Variants in SH3GL2 observed in about 807,000 individuals in gnomAD.
SH3GL2 encodes the protein endophilin-A1.
A neutral mutation model predicts 46.0 loss-of-function variants in SH3GL2; 24 were observed. That is an observed-to-expected ratio of 0.52 (90% CI 0.38 to 0.73). The LOEUF is 0.73. SH3GL2 is among the 30% of genes least tolerant of loss of function. The pLI is 0.00. For synonymous variants in SH3GL2, 196 were observed against 147.1 expected (o/e 1.33, Z -2.40); for missense variants, 413 against 424.2 (o/e 0.97, Z 0.23).
At chr9:17,736,478 C>T (rs1822338107) in intron 1 of SH3GL2, among the ~76,000 whole-genome samples, 1 of 152,096 alleles carries the variant, frequency 6.6e-6, no homozygotes, top group African/African-American at 2.4e-5. Context: ...GCAGTCTCTT[C>T]ATATCTCTTT....
intron 3 of SH3GL2, among the ~76,000 whole-genome samples, chr9:17,765,296 C>G (rs895881956): frequency 6.9e-6 from 1 of 145,714 alleles, no homozygotes; most frequent in Non-Finnish European, 1.5e-5. Flanking sequence ...TTTGATGCTT[C>G]GAGGGTACTT....
intron 1 of SH3GL2, among the ~76,000 whole-genome samples, chr9:17,746,837 G>A (rs60626906): frequency 6.6e-6 from 1 of 152,164 alleles, no homozygotes; most frequent in East Asian, 1.9e-4. Flanking sequence ...GAAATCAGAA[G>A]ATACAAATTT....
At chr9:17,606,181 C>T (rs185806959) in intron 1 of SH3GL2, among the ~76,000 whole-genome samples, 12 of 152,200 alleles carry the variant, frequency 7.9e-5, no homozygotes, top group South Asian at 2.1e-4. Context: ...CAACCTCTGC[C>T]GCCTGGGTTC....
chr9:17,742,700 AGTTT>A (rs1188780870), intron 1 of SH3GL2, among the ~76,000 whole-genome samples: 1 of 152,224 alleles, frequency 6.6e-6, no homozygotes, highest in Non-Finnish European at 1.5e-5. Context: ...TGAGATTTTT[AGTTT>A]GTTTGGAATA....
chr9:17,791,215 T>C lies in SH3GL2; in HGVS notation c.625-16T>C, dbSNP rs1243857413. On this transcript the variant is annotated splice_polypyrimidine_tract_variant and intron_variant, in intron 6 of 8. Coordinates refer to ENST00000380607, the MANE Select transcript of SH3GL2 (RefSeq NM_003026.5). ...AACGTGTAAAACTAAGGCATGATTT[T>C]CCCATCAATCTGCAGATTGAACAAG... The C allele has an allele frequency of 2.5e-6, 4 of 1,586,100 alleles. No homozygotes were observed. Among genetic ancestry groups the C allele is most frequent in the Non-Finnish European group, 3.5e-6 (4 of 1,154,682 alleles).
At chr9:17,705,050 CAA>C (rs151216971) in intron 1 of SH3GL2, among the ~76,000 whole-genome samples, 1 of 150,478 alleles carries the variant, frequency 6.6e-6, no homozygotes, top group Non-Finnish European at 1.5e-5. Context: ...AATTTACAAA[CAA>C]AAAAAAACCC....
At chr9:17,646,561 C>T (rs756082212) in intron 1 of SH3GL2, among the ~76,000 whole-genome samples, 3 of 152,014 alleles carry the variant, frequency 2.0e-5, no homozygotes, top group African/African-American at 4.8e-5. Context: ...GGAATTTTTG[C>T]GTGGTCATGC....
At chr9:17,718,684 C>T (rs987102564) in intron 1 of SH3GL2, among the ~76,000 whole-genome samples, 1 of 152,134 alleles carries the variant, frequency 6.6e-6, no homozygotes, top group Non-Finnish European at 1.5e-5. Flanking sequence ...TAGTTGTGAT[C>T]ATGCCACTGC....
chr9:17,581,310 A>C (rs955247890), intron 1 of SH3GL2, among the ~76,000 whole-genome samples: 4 of 152,204 alleles, frequency 2.6e-5, no homozygotes, highest in Admixed American at 6.5e-5. Context: ...GAAGGTCGGC[A>C]TGTGATGCGA....
intron 1 of SH3GL2, among the ~76,000 whole-genome samples, chr9:17,666,694 C>T (rs997276138): frequency 2.6e-5 from 4 of 151,708 alleles, no homozygotes; most frequent in African/African-American, 9.7e-5. Flanking sequence ...CAGTAGTTTG[C>T]GATTCGGAAA....
chr9:17,683,727 C>T (rs1449266787), intron 1 of SH3GL2, among the ~76,000 whole-genome samples: 6 of 151,976 alleles, frequency 3.9e-5, no homozygotes, highest in Non-Finnish European at 8.8e-5. Flanking sequence ...GTGGGGAGAA[C>T]ATGGAGAAAG....
chr9:17,734,796 T>G (rs1172430449), intron 1 of SH3GL2, among the ~76,000 whole-genome samples: 2 of 152,070 alleles, frequency 1.3e-5, no homozygotes, highest in African/African-American at 2.4e-5. Context: ...AAGGTTGGAA[T>G]GGAGTTGGGG....
chr9:17,646,945 G>A (rs7030385), intron 1 of SH3GL2, among the ~76,000 whole-genome samples: 4,056 of 152,256 alleles, frequency 0.027, 76 homozygotes, highest in Middle Eastern at 0.058. Context: ...GGCAGGCAGA[G>A]ACGTTTAAAA....
chr9:17,695,020 G>T (rs1268872749), intron 1 of SH3GL2, among the ~76,000 whole-genome samples: 1 of 151,986 alleles, frequency 6.6e-6, no homozygotes, highest in Non-Finnish European at 1.5e-5. Context: ...CATTATGAAA[G>T]AATATAAAAA....
At chr9:17,670,957 C>G (rs968766115) in intron 1 of SH3GL2, among the ~76,000 whole-genome samples, 6 of 152,132 alleles carry the variant, frequency 3.9e-5, no homozygotes, top group Non-Finnish European at 7.4e-5. Context: ...TTCTGAAGCA[C>G]CAGGTGATGC....
In SH3GL2 at chr9:17,653,966, T is replaced by C. The variant is rs538443067; in HGVS notation, c.45+74679T>C. The C allele has an allele frequency of 4.7e-5, 20 of 429,644 alleles. 1 individual carries two copies. The highest frequency in any genetic ancestry group is 1.3e-4 in the Admixed American group (2 of 15,612). 26.6% of individuals were successfully genotyped at this position (429,644 alleles called of 1,614,324 possible). A position where few individuals can be genotyped will look rare whatever the true frequency, so the allele number is the denominator to read the frequency against. Reference sequence around the variant, plus strand: ...ACTAGGCAGATCTTCTTTTAAACTCTGGGAAGAGCAGTTGTGTGCTGTATT... The same window carrying C: ...ACTAGGCAGATCTTCTTTTAAACTCCGGGAAGAGCAGTTGTGTGCTGTATT... On this transcript the variant is annotated intron_variant, in intron 1 of 8. Transcript: ENST00000380607.
At chr9:17,687,251 G>T (rs552787123) in intron 1 of SH3GL2, among the ~76,000 whole-genome samples, 1 of 152,008 alleles carries the variant, frequency 6.6e-6, no homozygotes, top group African/African-American at 2.4e-5. Flanking sequence ...AAGCAGTTAC[G>T]TTTTCATTGA....
At chr9:17,590,914 C>T (rs373599802) in intron 1 of SH3GL2, 9 of 152,222 alleles carry the variant, frequency 5.9e-5, no homozygotes, top group Admixed American at 2.6e-4. Context: ...CACGTCACCA[C>T]TCCTGGCTAA....
At chr9:17,684,882 A>G (rs749042348) in intron 1 of SH3GL2, among the ~76,000 whole-genome samples, 2 of 152,136 alleles carry the variant, frequency 1.3e-5, no homozygotes, top group African/African-American at 2.4e-5. Context: ...ATTACTCTTC[A>G]TTTCACTGCC....
Sources: allele counts gnomAD v4.1 joint callset (sites outside exome capture counted in the v4.1 genomes callset), GRCh38; gene constraint gnomAD v4.1.1; transcripts MANE v1.5; gene names NCBI Gene and HGNC (gene_info 2026-07-23, HGNC 2026-07-21).